USP36: variants seen among roughly 807,000 people sequenced by gnomAD.
USP36 encodes ubiquitin carboxyl-terminal hydrolase 36.
Under a neutral mutation model 111.5 loss-of-function variants are expected in USP36, and 59 were observed. The ratio of observed to expected loss-of-function variants is 0.53; its 90% CI spans 0.43 to 0.66. USP36 has a LOEUF of 0.66. Ranked by LOEUF, USP36 falls within the 30% of genes least tolerant of loss-of-function variation. USP36 has a pLI of 0.00. For missense variants in USP36, 1,488 were observed against 1,468.0 expected (o/e 1.01, Z -0.22); for synonymous variants, 628 against 581.0 (o/e 1.08, Z -1.16).
intron 10 of USP36, among the ~76,000 whole-genome samples, chr17:78,815,753 G>C (rs1363426333): frequency 6.6e-6 from 1 of 151,966 alleles, no homozygotes; most frequent in Non-Finnish European, 1.5e-5. Flanking sequence ...ATACATATAT[G>C]CATACATGCA....
At chr17:78,804,535 A>G (rs1321316228) in intron 15 of USP36, among the ~76,000 whole-genome samples, 2 of 145,478 alleles carry the variant, frequency 1.4e-5, no homozygotes, top group East Asian at 2.1e-4. Flanking sequence ...GTGGGTTGAT[A>G]GGTGCAGCAA....
At chr17:78,836,734 C>CCAA (rs1472530069) in intron 2 of USP36, among the ~76,000 whole-genome samples, 1 of 151,934 alleles carries the variant, frequency 6.6e-6, no homozygotes, top group Non-Finnish European at 1.5e-5. Flanking sequence ...ATCACGTGGT[C>CCAA]CAAATGTCTG....
intron 4 of USP36, among the ~76,000 whole-genome samples, chr17:78,832,823 A>G (rs2068272725): frequency 6.6e-6 from 1 of 152,068 alleles, no homozygotes; most frequent in South Asian, 2.1e-4. Flanking sequence ...CAAGGTCACC[A>G]CTGGAAATAG....
chr17:78,803,599 G>A lies in USP36; in HGVS notation c.2596C>T (p.Gln866Ter). ...TACATGGGGCTCCCAGGCTGTCTCT[G>A]TGTCTGCCCCTCCTGCAGGGCGCTG... ...AASALQEGQT[Q>*]RQPGSPMYRR... Residue 866 changes from glutamine (Q) to a stop codon, truncating the protein, a stop_gained, in exon 16 of 21, where the codon CAG (glutamine) becomes TAG (stop). Coordinates refer to ENST00000449938, the MANE Select transcript of USP36 (RefSeq NM_001385174.1). LOFTEE classifies it high-confidence loss of function. This position sits in a 1 kb window ranked among gnomAD's most constrained non-coding sequence, Gnocchi z 4.6. The A allele has an allele frequency of 6.2e-7, 1 of 1,612,822 alleles. No homozygotes were observed. Among genetic ancestry groups the A allele is most frequent in the Non-Finnish European group, 8.5e-7 (1 of 1,179,868 alleles).
At chr17:78,812,720 A>AT in intron 13 of USP36, 140 bp downstream of exon 13, 2 of 752,008 alleles carry the variant, frequency 2.7e-6, no homozygotes, top group Non-Finnish European at 3.9e-6. Context: ...AAAAAAAAAG[A>AT]AAAGAAAAGA....
chr17:78,812,573 C>T (rs552461234), intron 13 of USP36, among the ~76,000 whole-genome samples: 2 of 151,754 alleles, frequency 1.3e-5, no homozygotes, highest in African/African-American at 4.8e-5. Context: ...ACCTATAATC[C>T]CAGCTACTAG....
intron 2 of USP36, among the ~76,000 whole-genome samples, chr17:78,838,371 C>CA (rs1195525371): frequency 0.058 from 3,335 of 57,790 alleles, 125 homozygotes; most frequent in Admixed American, 0.11. Context: ...GACTTGGTCT[C>CA]AAAAAAAAAA....
downstream of USP36, among the ~76,000 whole-genome samples, chr17:78,791,645 C>T (rs982138349): frequency 4.6e-5 from 7 of 152,154 alleles, no homozygotes; most frequent in Admixed American, 1.3e-4. Flanking sequence ...CCCAGAACAA[C>T]GGGCTGGACA....
intron 10 of USP36, among the ~76,000 whole-genome samples, chr17:78,817,924 CT>C (rs2094225895): frequency 6.6e-6 from 1 of 151,850 alleles, no homozygotes; most frequent in Non-Finnish European, 1.5e-5. Context: ...CTACAAAAAA[CT>C]TTTTAAAAAA....
At chr17:78,835,558 C>T (rs900375931) in intron 3 of USP36, 57 bp from the exon 4 acceptor site, 70 of 1,524,014 alleles carry the variant, frequency 4.6e-5, no homozygotes, top group Non-Finnish European at 5.9e-5. Flanking sequence ...ACACACAGGT[C>T]GTCCACAAAA....
At chr17:78,822,525 G>A (rs1001587247) in intron 6 of USP36, among the ~76,000 whole-genome samples, 4 of 151,158 alleles carry the variant, frequency 2.6e-5, no homozygotes, top group Admixed American at 1.3e-4. Flanking sequence ...CTCTGCACCC[G>A]TCTCAGAGAG....
At position 78,807,111 on chromosome 17, in the gene USP36, A is replaced by C. The variant is rs1444346245; in HGVS notation, c.1933T>G (p.Cys645Gly). The C allele has an allele frequency of 6.2e-7, 1 of 1,614,086 alleles. No individual in the cohort carries two copies. ...GTTTTGGAGTGGCCAGCGGTGGAAC[A>C]GTTCGTTTCCTGAGAATCGCAGAGA... ...AHLCDSQETNCSTAGHSKTPP... is the reference protein window; with the variant it reads ...AHLCDSQETNGSTAGHSKTPP... The change falls in exon 14 of 21, where the codon TGT becomes GGT. Residue 645 changes from cysteine (C) to glycine (G), a missense_variant. Transcript: ENST00000449938.
intron 10 of USP36, among the ~76,000 whole-genome samples, chr17:78,817,332 A>C (rs1406451422): frequency 6.6e-6 from 1 of 152,248 alleles, no homozygotes; most frequent in Non-Finnish European, 1.5e-5. Context: ...AAGAATCTGC[A>C]AACACATTTG....
In USP36 at chr17:78,797,693, T is replaced by C. The variant is rs186886852; in HGVS notation, c.*207A>G. 1.4e-4 allele frequency: 22 copies of C among 152,278 alleles called. No homozygotes were observed. Among genetic ancestry groups the C allele is most frequent in the African/African-American group, 5.1e-4 (21 of 41,474 alleles). The allele number at this position is 152,278 out of a possible 1,614,324, so 9.4% of individuals were successfully genotyped here. On this transcript the variant is annotated 3_prime_UTR_variant, in exon 21 of 21. Coordinates refer to ENST00000449938, the MANE Select transcript of USP36 (RefSeq NM_001385174.1). ...ACTGTCGTTTCTCTTGCAGGGCTGG[T>C]CGGGAATGTCACCAAAGAGGTTCCG...
chr17:78,812,281 G>A (rs2094078849), intron 13 of USP36, among the ~76,000 whole-genome samples: 1 of 152,184 alleles, frequency 6.6e-6, no homozygotes, highest in Non-Finnish European at 1.5e-5. Flanking sequence ...TGTAAGTGGT[G>A]CTGGTCTCAT....
intron 17 of USP36, among the ~76,000 whole-genome samples, chr17:78,800,853 G>A (rs2093723004): frequency 6.6e-6 from 1 of 152,178 alleles, no homozygotes. Context: ...ACCAGCACCT[G>A]GCATGGACCC....
At position 78,824,950 on chromosome 17, in the gene USP36, G is replaced by A. The variant is rs146351236; in HGVS notation, c.689+2295C>T. On this transcript the variant is annotated intron_variant, in intron 6 of 20. Coordinates refer to ENST00000449938, the MANE Select transcript of USP36 (RefSeq NM_001385174.1). Reference sequence around the variant, plus strand: ...AGACACTCAGAATGCTAAAAGCAACGATCCTCAATGAAGACATGACAGTTA... The same window carrying A: ...AGACACTCAGAATGCTAAAAGCAACAATCCTCAATGAAGACATGACAGTTA... Among the ~76,000 whole-genome samples the A allele has an allele frequency of 2.6e-5, 4 of 152,298 alleles. No homozygotes were observed. In the East Asian group the frequency reaches 5.8e-4, roughly 22 times the overall value.
rs145909229 is a variant in USP36, at chr17:78,835,391, C to T, written c.364G>A (p.Ala122Thr). ...GTGTTGCCAAGGTTGTGGAGTCCTG[C>T]GCCCACGCGGAAGACCCGCTCCCAC... ...LRWERVFRVG[A>T]GLHNLGNTCF... Residue 122 changes from alanine to threonine, a missense_variant, in exon 4 of 21, where the codon GCA becomes ACA. This residue lies in a region of USP36 where 219 missense variants were observed against 209.5 expected (regional missense o/e 1.05). Transcript: ENST00000449938. 5.0e-6 allele frequency: 8 copies of T among 1,614,110 alleles called. No individual in the cohort carries two copies. The East Asian group carries it at 8.9e-5, about 18-fold the overall frequency.
chr17:78,800,169 A>G (rs927412195), intron 17 of USP36, among the ~76,000 whole-genome samples: 13 of 151,006 alleles, frequency 8.6e-5, no homozygotes, highest in African/African-American at 2.4e-4. Context: ...CCCTTTAACC[A>G]GTAGTGTTAA....
Sources: allele counts gnomAD v4.1 joint callset (sites outside exome capture counted in the v4.1 genomes callset), GRCh38; gene constraint gnomAD v4.1.1; regional missense constraint gnomAD v4.1.1; non-coding constraint Gnocchi (gnomAD v3.1); transcripts MANE v1.5; gene names NCBI Gene and HGNC (gene_info 2026-07-23, HGNC 2026-07-21).